UNCX: variants seen among roughly 807,000 people sequenced by gnomAD.
UNCX encodes UNC homeobox.
In UNCX, 4 loss-of-function variants were observed where a neutral mutation model predicts 14.8. The ratio of observed to expected loss-of-function variants is 0.27; its 90% CI spans 0.13 to 0.62. The LOEUF (loss-of-function observed/expected upper bound fraction) is 0.62, where lower values mean the gene tolerates loss of function less well. UNCX is among the 20% of genes least tolerant of loss of function. UNCX has a pLI of 0.86. For synonymous variants in UNCX, 459 were observed against 395.8 expected, an observed-to-expected ratio of 1.16 and a Z score of -1.90; for missense variants, 749 against 786.8, an observed-to-expected ratio of 0.95 and a Z score of 0.58.
rs1778671545 is a variant in UNCX at position 1,233,062 on chromosome 7, G to A, written c.45G>A (p.Gly15=). 1 of 1,422,500 alleles carries A rather than the reference G, an allele frequency of 7.0e-7. No homozygotes were observed. The highest frequency in any genetic ancestry group is 9.2e-7 in the Non-Finnish European group (1 of 1,086,200). 88.1% of individuals were successfully genotyped at this position (1,422,500 alleles called of 1,614,324 possible). A position where few individuals can be genotyped will look rare whatever the true frequency, so the allele number is the denominator to read the frequency against. The change falls in exon 1 of 3, where the codon GGG becomes GGA. Residue 15 remains glycine, a synonymous_variant. Transcript: ENST00000316333. This position sits in a 1 kb window ranked among gnomAD's most constrained non-coding sequence, Gnocchi z 5.3. ...RLLEHPHAQF[G]GSLGGVVGFP... Reference sequence around the variant, plus strand: ...TGGAACACCCGCATGCCCAGTTCGGGGGCTCGCTGGGCGGCGTGGTGGGCT... The same window carrying A: ...TGGAACACCCGCATGCCCAGTTCGGAGGCTCGCTGGGCGGCGTGGTGGGCT...
chr7:1,236,261 G>T lies in UNCX; in HGVS notation c.880G>T (p.Gly294Cys). Residue 294 changes from glycine to cysteine, a missense_variant, in exon 3 of 3, where the codon GGC becomes TGC. By Grantham distance (159) the Gly-to-Cys change is radical. Around this residue, in one of 3 missense-constraint regions of UNCX, gnomAD observed 552 missense variants for 507.2 expected, o/e 1.09. Coordinates refer to ENST00000316333, the MANE Select transcript of UNCX (RefSeq NM_001080461.3). This position sits in a 1 kb window ranked among gnomAD's most constrained non-coding sequence, Gnocchi z 6.9. ...CTACCCGAGCCAAAGAAGCGGCGCC[G>T]GCCCACAGCCGCGCCCAGGTCGCCC... is the stretch of plus-strand genomic sequence containing the variant. ...AFYPSQRSGA[G>C]PQPRPGRPAD... 7.3e-7 allele frequency: 1 copy of T among 1,377,588 alleles called. No homozygotes were observed. The highest frequency in any genetic ancestry group is 9.4e-7 in the Non-Finnish European group (1 of 1,058,354). The allele number at this position is 1,377,588 out of a possible 1,614,324, so 85.3% of individuals were successfully genotyped here. A position where few individuals can be genotyped will look rare whatever the true frequency, so the allele number is the denominator to read the frequency against.
In UNCX at chr7:1,236,060, C is replaced by G; in HGVS notation, c.679C>G (p.Leu227Val). 1 of 1,594,910 alleles carries G rather than the reference C, an allele frequency of 6.3e-7. No individual in the cohort carries two copies. Among genetic ancestry groups the G allele is most frequent in the Non-Finnish European group, 8.5e-7 (1 of 1,171,986 alleles). Residue 227 changes from leucine (L) to valine (V), a missense_variant, in exon 3 of 3, where the codon CTG becomes GTG. By Grantham distance (32) the Leu-to-Val change is conservative. This residue lies in a region of UNCX where 552 missense variants were observed against 507.2 expected (regional missense o/e 1.09). Transcript: ENST00000316333. This position sits in a 1 kb window ranked among gnomAD's most constrained non-coding sequence, Gnocchi z 6.9. ...RHLHSPGGLS[L>V]HSAPSSDSDS... Reference sequence around the variant, plus strand: ...CTTGCACTCGCCCGGCGGCCTGTCCCTGCACAGCGCGCCCAGCTCCGACAG... The same window carrying G: ...CTTGCACTCGCCCGGCGGCCTGTCCGTGCACAGCGCGCCCAGCTCCGACAG...
rs1264804038 is a variant in UNCX, at chr7:1,233,923, G to T, written c.450+228G>T. On this transcript the variant is annotated intron_variant, in intron 2 of 2. Coordinates refer to ENST00000316333, the MANE Select transcript of UNCX (RefSeq NM_001080461.3). This position sits in a 1 kb window ranked among gnomAD's most constrained non-coding sequence, Gnocchi z 5.3. ...CCTGGGCGGCTTGAGAAGGGCCGGC[G>T]GCAGCACCCGAGTCACCAGAACAGC... 3.3e-5 allele frequency among the ~76,000 whole-genome samples: 5 copies of T among 152,258 alleles called. No homozygotes were observed. The highest frequency in any genetic ancestry group is 5.9e-5 in the Non-Finnish European group (4 of 68,050).
At chr7:1,235,729 G>C in intron 2 of UNCX, 103 bp from the exon 3 acceptor site, 4 of 1,069,594 alleles carry the variant, frequency 3.7e-6, no homozygotes, top group Non-Finnish European at 5.3e-6. Flanking sequence ...CCGGCCGAGC[G>C]GAGGTTGTGC....
At chr7:1,235,561 C>A (rs1319187582) in intron 2 of UNCX, among the ~76,000 whole-genome samples, 3 of 152,266 alleles carry the variant, frequency 2.0e-5, no homozygotes, top group Admixed American at 1.3e-4. Context: ...AAGTAAGGGG[C>A]GGCTCCCAGG....
rs751585310 is a variant in UNCX, at chr7:1,236,063, C to A, written c.682C>A (p.His228Asn). 1.9e-6 allele frequency: 3 copies of A among 1,593,366 alleles called. No homozygotes were observed. The highest frequency in any genetic ancestry group is 2.6e-6 in the Non-Finnish European group (3 of 1,171,266). ...HLHSPGGLSLHSAPSSDSDSG... is the reference protein window; with the variant it reads ...HLHSPGGLSLNSAPSSDSDSG... Reference sequence around the variant, plus strand: ...GCACTCGCCCGGCGGCCTGTCCCTGCACAGCGCGCCCAGCTCCGACAGCGA... The same window carrying A: ...GCACTCGCCCGGCGGCCTGTCCCTGAACAGCGCGCCCAGCTCCGACAGCGA... Residue 228 changes from histidine to asparagine, a missense_variant, in exon 3 of 3, where the codon CAC becomes AAC. His to Asn is a moderately conservative substitution (Grantham distance 68). Transcript: ENST00000316333. This position sits in a 1 kb window ranked among gnomAD's most constrained non-coding sequence, Gnocchi z 6.9.
Position 1,236,668 on chromosome 7 carries a change from G to C in UNCX, c.1287G>C (p.Ser429=), listed in dbSNP as rs556900316. ...PPAQASFGAF[S]GPGGAPDSAF... is the part of the protein sequence containing the mutation. ...CCCAGGCCAGTTTCGGGGCCTTCTC[G>C]GGGCCCGGCGGCGCCCCGGACTCGG... Residue 429 remains serine, a synonymous_variant, in exon 3 of 3, where the codon TCG becomes TCC. Transcript: ENST00000316333. This position sits in a 1 kb window ranked among gnomAD's most constrained non-coding sequence, Gnocchi z 6.9. 1.4e-5 allele frequency: 14 copies of C among 1,013,214 alleles called. No homozygotes were observed. Among genetic ancestry groups the C allele is most frequent in the Non-Finnish European group, 1.5e-5 (13 of 851,074 alleles). 62.8% of individuals were successfully genotyped at this position (1,013,214 alleles called of 1,614,324 possible). A position where few individuals can be genotyped will look rare whatever the true frequency, so the allele number is the denominator to read the frequency against.
chr7:1,236,949 C>G lies in UNCX; in HGVS notation c.1568C>G (p.Pro523Arg). ...GGCGCGGCGGCCGGACCCAGCCCGC[C>G]GGAGGGCGAGGAGCTGGACATGGAC... ...EPGAAAGPSP[P>R]EGEELDMD Residue 523 changes from proline (P) to arginine (R), a missense_variant, in exon 3 of 3, where the codon CCG (proline) becomes CGG (arginine). Coordinates refer to ENST00000316333, the MANE Select transcript of UNCX (RefSeq NM_001080461.3). This position sits in a 1 kb window ranked among gnomAD's most constrained non-coding sequence, Gnocchi z 6.9. 7.5e-6 allele frequency: 9 copies of G among 1,197,948 alleles called. No individual in the cohort carries two copies. The highest frequency in any genetic ancestry group is 8.3e-6 in the Non-Finnish European group (8 of 966,064). 74.2% of individuals were successfully genotyped at this position (1,197,948 alleles called of 1,614,324 possible).
rs1584080607 is a variant in UNCX, at chr7:1,232,996, C to T, written c.-22C>T. The T allele has an allele frequency of 5.1e-6, 6 of 1,172,766 alleles. No homozygotes were observed. In the East Asian group the frequency reaches 1.1e-4, roughly 22 times the overall value. 72.6% of individuals were successfully genotyped at this position (1,172,766 alleles called of 1,614,324 possible). On this transcript the variant is annotated 5_prime_UTR_variant, in exon 1 of 3. Transcript: ENST00000316333. ...CCGCGCCCCCGCGCCCCGCCACCGG[C>T]CCCGCCGGCCCCCCGCGCGAGATGA...
chr7:1,233,582 A>G lies in UNCX; in HGVS notation c.337A>G (p.Thr113Ala). The G allele has an allele frequency of 6.2e-7, 1 of 1,612,812 alleles. No individual in the cohort carries two copies. Among genetic ancestry groups the G allele is most frequent in the Middle Eastern group, 1.7e-4 (1 of 6,058 alleles). Residue 113 changes from threonine to alanine, a missense_variant, in exon 2 of 3, where the codon ACC (threonine) becomes GCC (alanine). By Grantham distance (58) the Thr-to-Ala change is moderately conservative. Transcript: ENST00000316333. This position sits in a 1 kb window ranked among gnomAD's most constrained non-coding sequence, Gnocchi z 5.3. Reference protein sequence around the residue: ...CKRRRTRTNFTGWQLEELEKA... With the variant: ...CKRRRTRTNFAGWQLEELEKA... ...GCGGCGGCGCACCCGCACCAACTTC[A>G]CCGGCTGGCAGCTGGAGGAGCTGGA...
In UNCX at chr7:1,233,149, C is replaced by T; in HGVS notation, c.132C>T (p.Ala44=). ...YELAGHQLQS[A]AAAASVPFSI... ...TGGCCGGGCACCAGCTGCAGTCGGC[C>T]GCCGCCGCCGCCTCGGTGCCCTTCT... The change falls in exon 1 of 3, where the codon GCC becomes GCT. Residue 44 remains alanine, a synonymous_variant. Transcript: ENST00000316333. The surrounding 1 kb of genome is among the most constrained non-coding windows in gnomAD (Gnocchi z 5.3). 1.4e-6 allele frequency: 2 copies of T among 1,454,060 alleles called. No individual in the cohort carries two copies. Among genetic ancestry groups the T allele is most frequent in the Non-Finnish European group, 9.0e-7 (1 of 1,105,876 alleles). The allele number at this position is 1,454,060 out of a possible 1,614,324, so 90.1% of individuals were successfully genotyped here.
Position 1,236,574 on chromosome 7 carries a change from G to A in UNCX, c.1193G>A (p.Gly398Asp). Residue 398 changes from glycine to aspartate, a missense_variant, in exon 3 of 3, where the codon GGC (glycine) becomes GAC (aspartate). Around this residue, in one of 3 missense-constraint regions of UNCX, gnomAD observed 552 missense variants for 507.2 expected, o/e 1.09. Coordinates refer to ENST00000316333, the MANE Select transcript of UNCX (RefSeq NM_001080461.3). The surrounding 1 kb of genome is among the most constrained non-coding windows in gnomAD (Gnocchi z 6.9). ...CTGGTGCCGCAGGCCGCGCTCAAGG[G>A]CGGCGCGGGCCTGGAGCCGGCGCCC... The part of the protein sequence containing the change: ...GFLVPQAALK[G>D]GAGLEPAPKD... 7.5e-7 allele frequency: 1 copy of A among 1,330,818 alleles called. No homozygotes were observed. The allele number at this position is 1,330,818 out of a possible 1,614,324, so 82.4% of individuals were successfully genotyped here.
In UNCX at chr7:1,233,046, C is replaced by T. The variant is rs1379722901; in HGVS notation, c.29C>T (p.Pro10Leu). The T allele has an allele frequency of 1.4e-6, 2 of 1,394,468 alleles. No homozygotes were observed. Among genetic ancestry groups the T allele is most frequent in the Non-Finnish European group, 1.9e-6 (2 of 1,071,208 alleles). The allele number at this position is 1,394,468 out of a possible 1,614,324, so 86.4% of individuals were successfully genotyped here. A position where few individuals can be genotyped will look rare whatever the true frequency, so the allele number is the denominator to read the frequency against. Reference sequence around the variant, plus strand: ...ATGGACGGCCGCCTCCTGGAACACCCGCATGCCCAGTTCGGGGGCTCGCTG... The same window carrying T: ...ATGGACGGCCGCCTCCTGGAACACCTGCATGCCCAGTTCGGGGGCTCGCTG... MMDGRLLEH[P>L]HAQFGGSLGG... Residue 10 changes from proline to leucine, a missense_variant, in exon 1 of 3, where the codon CCG becomes CTG. This residue lies in a region of UNCX where 155 missense variants were observed against 166.7 expected (regional missense o/e 0.93). Transcript: ENST00000316333. This position sits in a 1 kb window ranked among gnomAD's most constrained non-coding sequence, Gnocchi z 5.3.
Position 1,236,087 on chromosome 7 carries a change from G to A in UNCX, c.706G>A (p.Asp236Asn). 1 of 1,541,344 alleles carries A rather than the reference G, an allele frequency of 6.5e-7. No individual in the cohort carries two copies. The highest frequency in any genetic ancestry group is 8.7e-7 in the Non-Finnish European group (1 of 1,143,810). The change falls in exon 3 of 3, where the codon GAC becomes AAC. Residue 236 changes from aspartate (D) to asparagine (N), a missense_variant. Transcript: ENST00000316333. This position sits in a 1 kb window ranked among gnomAD's most constrained non-coding sequence, Gnocchi z 6.9. ...GCACAGCGCGCCCAGCTCCGACAGC[G>A]ACAGCGGCGGCGGCGGCCTGTCTCC... ...SLHSAPSSDS[D>N]SGGGGLSPEP...
chr7:1,234,278 A>T (rs188618554), intron 2 of UNCX, among the ~76,000 whole-genome samples: 68 of 152,352 alleles, frequency 4.5e-4, no homozygotes, highest in Admixed American at 1.2e-3. Context: ...GGAGAAAAAA[A>T]GGTGTCTGAA....
chr7:1,233,336 C>T lies in UNCX; in HGVS notation c.274+45C>T, dbSNP rs929933050. Reference sequence around the variant, plus strand: ...GGGCGGGGAGGAGTGCGGCTGGGGGCGGGGGCCCTGGTCCGGCCGAGGCGC... The same window carrying T: ...GGGCGGGGAGGAGTGCGGCTGGGGGTGGGGGCCCTGGTCCGGCCGAGGCGC... On this transcript the variant is annotated intron_variant, in intron 1 of 2. Transcript: ENST00000316333. The surrounding 1 kb of genome is among the most constrained non-coding windows in gnomAD (Gnocchi z 5.3). The T allele has an allele frequency of 7.9e-7, 1 of 1,270,964 alleles. No individual in the cohort carries two copies. The highest frequency in any genetic ancestry group is 9.9e-7 in the Non-Finnish European group (1 of 1,013,506). 78.7% of individuals were successfully genotyped at this position (1,270,964 alleles called of 1,614,324 possible).
In UNCX at chr7:1,236,472, G is replaced by T. The variant is rs1303776139; in HGVS notation, c.1091G>T (p.Gly364Val). 1 of 1,383,368 alleles carries T rather than the reference G, an allele frequency of 7.2e-7. No individual in the cohort carries two copies. Among genetic ancestry groups the T allele is most frequent in the Non-Finnish European group, 9.4e-7 (1 of 1,066,138 alleles). The allele number at this position is 1,383,368 out of a possible 1,614,324, so 85.7% of individuals were successfully genotyped here. Residue 364 changes from glycine (G) to valine (V), a missense_variant, in exon 3 of 3, where the codon GGG (glycine) becomes GTG (valine). Coordinates refer to ENST00000316333, the MANE Select transcript of UNCX (RefSeq NM_001080461.3). The surrounding 1 kb of genome is among the most constrained non-coding windows in gnomAD (Gnocchi z 6.9). Reference sequence around the variant, plus strand: ...GCCGCGGGGCTGGACTTCGCGCCCGGGCTGCCGTGCGCGCCGCGGACCCTG... The same window carrying T: ...GCCGCGGGGCTGGACTTCGCGCCCGTGCTGCCGTGCGCGCCGCGGACCCTG... ...AAAAGLDFAP[G>V]LPCAPRTLIG...
chr7:1,235,873 G>A lies in UNCX; in HGVS notation c.492G>A (p.Glu164=). The A allele has an allele frequency of 1.2e-6, 2 of 1,612,068 alleles. No homozygotes were observed. The highest frequency in any genetic ancestry group is 1.7e-6 in the Non-Finnish European group (2 of 1,179,640). The change falls in exon 3 of 3, where the codon GAG becomes GAA. Residue 164 remains glutamate (E), a synonymous_variant. Transcript: ENST00000316333. ...GCCGGGCCAAGTGGAGGAAGAAGGA[G>A]AACACGAAAAAGGGCCCGGGGCGGC... ...QNRRAKWRKK[E]NTKKGPGRPA...
chr7:1,236,399 G>C lies in UNCX; in HGVS notation c.1018G>C (p.Asp340His). 7.3e-7 allele frequency: 1 copy of C among 1,370,598 alleles called. No homozygotes were observed. Among genetic ancestry groups the C allele is most frequent in the Non-Finnish European group, 9.4e-7 (1 of 1,059,606 alleles). The allele number at this position is 1,370,598 out of a possible 1,614,324, so 84.9% of individuals were successfully genotyped here. A position where few individuals can be genotyped will look rare whatever the true frequency, so the allele number is the denominator to read the frequency against. Reference sequence around the variant, plus strand: ...ATTCAGCGTGGAGAGCCTCCTGTCCGACTCGCCGCCGCGCCGGAAAGCCGC... The same window carrying C: ...ATTCAGCGTGGAGAGCCTCCTGTCCCACTCGCCGCCGCGCCGGAAAGCCGC... ...SPFSVESLLS[D>H]SPPRRKAASN... The change falls in exon 3 of 3, where the codon GAC (aspartate) becomes CAC (histidine). Residue 340 changes from aspartate to histidine, a missense_variant. Asp to His is a moderately conservative substitution (Grantham distance 81). This residue lies in a region of UNCX where 552 missense variants were observed against 507.2 expected (regional missense o/e 1.09). Coordinates refer to ENST00000316333, the MANE Select transcript of UNCX (RefSeq NM_001080461.3). This position sits in a 1 kb window ranked among gnomAD's most constrained non-coding sequence, Gnocchi z 6.9.
Sources: gnomAD v4.1 joint callset for allele counts (sites outside exome capture counted in the v4.1 genomes callset) on GRCh38, gnomAD v4.1.1 for gene constraint, gnomAD v4.1.1 regional missense constraint, Gnocchi (gnomAD v3.1) non-coding constraint, MANE v1.5 for transcripts, NCBI Gene and HGNC (gene_info 2026-07-23, HGNC 2026-07-21) for gene names.